The following FREM3 variants were observed in gnomAD, a reference collection of about 807,000 sequenced individuals.
FREM3 encodes the protein FRAS1 related extracellular matrix 3.
FREM3 carries 105 observed loss-of-function variants against 129.1 expected under a neutral mutation model. That is an observed-to-expected ratio of 0.81 (90% CI 0.69 to 0.96). The LOEUF is 0.96. Ranked by LOEUF, FREM3 falls within the 40% of genes least tolerant of loss-of-function variation. The probability of loss-of-function intolerance (pLI) is 0.00; values close to 1 mark genes in which losing one functional copy is unlikely to be tolerated. For missense variants in FREM3, 2,593 were observed against 2,666.3 expected (o/e 0.97, Z 0.61); for synonymous variants, 1,014 against 1,044.9 (o/e 0.97, Z 0.57).
At chr4:143,674,475 T>A (rs191633325) in intron 2 of FREM3, among the ~76,000 whole-genome samples, 23 of 152,176 alleles carry the variant, frequency 1.5e-4, no homozygotes, top group African/African-American at 4.3e-4. Flanking sequence ...AGAAAAAAAC[T>A]GCATCAACTG....
chr4:143,697,139 AT>A lies in FREM3; in HGVS notation c.3536del (p.Asn1179MetfsTer6), dbSNP rs1740587552. 1 of 1,537,872 alleles carries A rather than the reference AT, an allele frequency of 6.5e-7. No homozygotes were observed. The highest frequency in any genetic ancestry group is 1.2e-5 in the South Asian group (1 of 84,048). On this transcript the variant is annotated frameshift_variant, in exon 1 of 8. Coordinates refer to ENST00000329798, the MANE Select transcript of FREM3 (RefSeq NM_001168235.2). LOFTEE classifies it high-confidence loss of function. The part of the protein sequence containing the change: ...YCSDGINFSP[N>X]VFFPIIILPT... ...GTAGGATGATTATAGGGAAGAAGAC[AT>A]TTGGGGAGAAGTTGATGCCATCAGA... is the stretch of plus-strand genomic sequence containing the variant.
chr4:143,689,879 G>A (rs148219631), intron 2 of FREM3, among the ~76,000 whole-genome samples: 3 of 142,256 alleles, frequency 2.1e-5, no homozygotes, highest in Admixed American at 7.0e-5. Context: ...TGGGAACTTG[G>A]GGGGAAGAGT....
intron 2 of FREM3, among the ~76,000 whole-genome samples, chr4:143,656,714 A>G (rs1192685957): frequency 6.6e-6 from 1 of 152,160 alleles, no homozygotes; most frequent in African/African-American, 2.4e-5. Flanking sequence ...GAGGATATAA[A>G]CTGTTCTACA....
intron 2 of FREM3, among the ~76,000 whole-genome samples, chr4:143,692,274 A>T (rs1740486206): frequency 6.6e-6 from 1 of 152,160 alleles, no homozygotes; most frequent in Non-Finnish European, 1.5e-5. Context: ...ACACGGGACA[A>T]GTTGGGATTC....
chr4:143,629,768 G>T (rs1190849051), intron 2 of FREM3, among the ~76,000 whole-genome samples: 1 of 151,950 alleles, frequency 6.6e-6, no homozygotes, highest in Non-Finnish European at 1.5e-5. Context: ...ATTTATAACT[G>T]GACAGTTTCA....
At chr4:143,678,543 A>AATAT (rs145328094) in intron 2 of FREM3, among the ~76,000 whole-genome samples, 4 of 150,766 alleles carry the variant, frequency 2.7e-5, no homozygotes, top group African/African-American at 9.7e-5. Context: ...AGTATAATAA[A>AATAT]ATATATATAT....
intron 2 of FREM3, among the ~76,000 whole-genome samples, chr4:143,657,101 T>C (rs1186934165): frequency 6.6e-6 from 1 of 152,232 alleles, no homozygotes; most frequent in Non-Finnish European, 1.5e-5. Context: ...GCTAGAATTA[T>C]TTCATATCTT....
At chr4:143,590,966 G>C (rs1172893580) in intron 6 of FREM3, among the ~76,000 whole-genome samples, 1 of 152,110 alleles carries the variant, frequency 6.6e-6, no homozygotes, top group African/African-American at 2.4e-5. Context: ...TTTAGTCTTG[G>C]GAGAGTGTAT....
chr4:143,639,608 A>G (rs551317672), intron 2 of FREM3, among the ~76,000 whole-genome samples: 1 of 152,268 alleles, frequency 6.6e-6, no homozygotes, highest in South Asian at 2.1e-4. Context: ...TCACTCAGCA[A>G]AAGTTGTTGT....
intron 1 of FREM3, among the ~76,000 whole-genome samples, chr4:143,694,586 TA>T (rs2149863439): frequency 6.6e-6 from 1 of 152,346 alleles, no homozygotes; most frequent in African/African-American, 2.4e-5. Flanking sequence ...TTAAAGTTTA[TA>T]TAAGTTTAAT....
intron 6 of FREM3, among the ~76,000 whole-genome samples, chr4:143,589,171 T>G (rs1445751828): frequency 1.3e-5 from 2 of 152,186 alleles, no homozygotes; most frequent in African/African-American, 2.4e-5. Flanking sequence ...TTGCAAAAAT[T>G]TTCGCCCATT....
chr4:143,684,191 A>G (rs1454471660), intron 2 of FREM3, among the ~76,000 whole-genome samples: 1 of 152,146 alleles, frequency 6.6e-6, no homozygotes, highest in Non-Finnish European at 1.5e-5. Context: ...TCCTAGCAGG[A>G]GATCAACCAG....
At chr4:143,587,832 T>G (rs1306085897) in intron 6 of FREM3, among the ~76,000 whole-genome samples, 3 of 152,228 alleles carry the variant, frequency 2.0e-5, no homozygotes, top group Non-Finnish European at 4.4e-5. Flanking sequence ...ACAGATATAT[T>G]CTGGCTGATC....
intron 5 of FREM3, among the ~76,000 whole-genome samples, chr4:143,619,657 G>A (rs1329961340): frequency 1.3e-5 from 2 of 152,144 alleles, no homozygotes; most frequent in Non-Finnish European, 2.9e-5. Flanking sequence ...CATACACAGT[G>A]CAGTGGAAAG....
chr4:143,666,979 C>A (rs1204629848), intron 2 of FREM3, among the ~76,000 whole-genome samples: 1 of 151,916 alleles, frequency 6.6e-6, no homozygotes. Flanking sequence ...AATTATATCT[C>A]AAGAAAACTG....
At chr4:143,687,066 C>A (rs981857211) in intron 2 of FREM3, among the ~76,000 whole-genome samples, 1 of 151,814 alleles carries the variant, frequency 6.6e-6, no homozygotes, top group Non-Finnish European at 1.5e-5. Flanking sequence ...AAGATATTAT[C>A]TTTGAAAAGA....
chr4:143,647,885 A>G (rs1474756431), intron 2 of FREM3, among the ~76,000 whole-genome samples: 2 of 152,188 alleles, frequency 1.3e-5, no homozygotes, highest in Non-Finnish European at 2.9e-5. Flanking sequence ...AACGGTGAGA[A>G]GAAGGCCACC....
Position 143,699,608 on chromosome 4 carries a change from G to A in FREM3, c.1068C>T (p.His356=). 2 of 1,529,036 alleles carry A rather than the reference G, an allele frequency of 1.3e-6. No homozygotes were observed. The highest frequency in any genetic ancestry group is 1.8e-6 in the Non-Finnish European group (2 of 1,141,626). 94.7% of individuals were successfully genotyped at this position (1,529,036 alleles called of 1,614,324 possible). The change falls in exon 1 of 8, where the codon CAC becomes CAT. Residue 356 remains histidine (H), a synonymous_variant. Transcript: ENST00000329798. The surrounding 1 kb of genome is among the most constrained non-coding windows in gnomAD (Gnocchi z 4.2). ...ILNAPTHPPG[H]PGQQGYVVST... is the part of the protein sequence containing the mutation. ...TGACCACGTAGCCCTGTTGCCCCGG[G>A]TGCCCTGGTGGGTGAGTGGGGGCGT...
At chr4:143,643,307 A>G (rs944851960) in intron 2 of FREM3, among the ~76,000 whole-genome samples, 1 of 152,192 alleles carries the variant, frequency 6.6e-6, no homozygotes, top group Non-Finnish European at 1.5e-5. Flanking sequence ...CTGAAGAGGT[A>G]TCTGCACTCC....
Sources: allele counts gnomAD v4.1 joint callset (sites outside exome capture counted in the v4.1 genomes callset), GRCh38; gene constraint gnomAD v4.1.1; non-coding constraint Gnocchi (gnomAD v3.1); transcripts MANE v1.5; gene names NCBI Gene and HGNC (gene_info 2026-07-23, HGNC 2026-07-21).